Variants in KCNAB1 observed in about 807,000 individuals in gnomAD.
The protein encoded by KCNAB1 is voltage-gated potassium channel subunit beta-1.
A neutral mutation model predicts 64.6 loss-of-function variants in KCNAB1; 35 were observed. The ratio of observed to expected loss-of-function variants is 0.54; its 90% CI spans 0.41 to 0.72. KCNAB1 has a LOEUF of 0.72. KCNAB1 is among the 30% of genes least tolerant of loss of function. The pLI, the probability that KCNAB1 is intolerant of heterozygous loss-of-function variation, is 0.00. For synonymous variants in KCNAB1, 177 were observed against 183.8 expected (o/e 0.96, Z 0.30); for missense variants, 401 against 512.9 (o/e 0.78, Z 2.11).
chr3:156,457,630 T>A, intron 4 of KCNAB1, 98 bp downstream of exon 4: 1 of 1,040,306 alleles, frequency 9.6e-7, no homozygotes, highest in African/African-American at 1.6e-5. Flanking sequence ...GGTTCTGTCC[T>A]TTCTCCACGT....
At chr3:156,400,284 CCCTGCAG>C (rs1000183784) in intron 1 of KCNAB1, among the ~76,000 whole-genome samples, 2 of 152,184 alleles carry the variant, frequency 1.3e-5, no homozygotes, top group African/African-American at 4.8e-5. Context: ...GCCTGTAAAA[CCCTGCAG>C]CCTGCAAAGA....
chr3:156,356,405 C>T (rs1226797799), intron 1 of KCNAB1, among the ~76,000 whole-genome samples: 1 of 150,948 alleles, frequency 6.6e-6, no homozygotes, highest in Non-Finnish European at 1.5e-5. Flanking sequence ...TTTTCAAGAA[C>T]TTATTTAAGG....
chr3:156,282,497 C>A (rs1414898735), intron 1 of KCNAB1, among the ~76,000 whole-genome samples: 1 of 151,276 alleles, frequency 6.6e-6, no homozygotes, highest in Non-Finnish European at 1.5e-5. Flanking sequence ...TGGTACAGAG[C>A]TGAGTTCAAT....
intron 1 of KCNAB1, among the ~76,000 whole-genome samples, chr3:156,236,101 A>G (rs955570554): frequency 1.3e-5 from 2 of 152,194 alleles, no homozygotes; most frequent in East Asian, 1.9e-4. Flanking sequence ...AACAATAACA[A>G]TAATCACAAT....
chr3:156,124,401 G>C (rs1484112723), intron 1 of KCNAB1, among the ~76,000 whole-genome samples: 1 of 151,842 alleles, frequency 6.6e-6, no homozygotes, highest in South Asian at 2.1e-4. Context: ...ATTTTTAGTA[G>C]AGTTGGGGTT....
At chr3:156,256,234 A>G (rs1174227614) in intron 1 of KCNAB1, among the ~76,000 whole-genome samples, 2 of 152,268 alleles carry the variant, frequency 1.3e-5, no homozygotes, top group African/African-American at 2.4e-5. Context: ...ATATAAGACA[A>G]TGCTCCCAGA....
intron 1 of KCNAB1, among the ~76,000 whole-genome samples, chr3:156,225,325 A>C (rs974782423): frequency 2.6e-5 from 4 of 152,232 alleles, no homozygotes; most frequent in African/African-American, 9.6e-5. Flanking sequence ...AAATCACATG[A>C]CCTTCTCAAT....
At chr3:156,312,725 A>AC (rs1722004160) in intron 1 of KCNAB1, among the ~76,000 whole-genome samples, 1 of 150,988 alleles carries the variant, frequency 6.6e-6, no homozygotes, top group South Asian at 2.1e-4. Flanking sequence ...AAAAAAAAAA[A>AC]AAAAAACTCA....
intron 1 of KCNAB1, among the ~76,000 whole-genome samples, chr3:156,364,818 G>A (rs553395878): frequency 2.6e-4 from 40 of 152,002 alleles, no homozygotes; most frequent in African/African-American, 8.7e-4. Flanking sequence ...AAAAACACCT[G>A]CAACACAAAT....
intron 12 of KCNAB1, among the ~76,000 whole-genome samples, chr3:156,524,663 C>G (rs1008231300): frequency 1.5e-5 from 2 of 136,062 alleles, no homozygotes; most frequent in Non-Finnish European, 3.0e-5. Flanking sequence ...AGGAGAATGG[C>G]GTGAACCCGA....
intron 1 of KCNAB1, among the ~76,000 whole-genome samples, chr3:156,391,694 C>A (rs759933442): frequency 5.3e-5 from 8 of 152,178 alleles, no homozygotes; most frequent in Middle Eastern, 6.3e-3. Flanking sequence ...AAAGATGATT[C>A]TAACAGAACG....
intron 1 of KCNAB1, 80 bp from the exon 2 acceptor site, chr3:156,421,536 T>G: frequency 6.3e-6 from 9 of 1,418,552 alleles, no homozygotes; most frequent in South Asian, 1.2e-5. Flanking sequence ...TCTGCCAAAA[T>G]GGAGATACAA....
intron 1 of KCNAB1, among the ~76,000 whole-genome samples, chr3:156,134,286 C>T (rs1204876971): frequency 3.3e-5 from 5 of 152,070 alleles, no homozygotes; most frequent in African/African-American, 1.2e-4. Flanking sequence ...TGAAATTTTT[C>T]TTCCTCTATT....
At position 156,175,939 on chromosome 3, in the gene KCNAB1, C is replaced by G. The variant is rs544080321; in HGVS notation, c.275+55053C>G. ...GTGGAAAGCAACTTCATTGATGGAGCCAGCATGGCCGGGCAGCTCATACAG... is the reference window on the plus strand; with the variant it reads ...GTGGAAAGCAACTTCATTGATGGAGGCAGCATGGCCGGGCAGCTCATACAG... On this transcript the variant is annotated intron_variant, in intron 1 of 13. Transcript: ENST00000490337. The G allele has an allele frequency of 1.8e-5, 17 of 960,458 alleles. No homozygotes were observed. The African/African-American group carries it at 2.6e-4, about 15-fold the overall frequency. 59.5% of individuals were successfully genotyped at this position (960,458 alleles called of 1,614,324 possible).
intron 1 of KCNAB1, among the ~76,000 whole-genome samples, chr3:156,249,619 C>T (rs925431746): frequency 2.6e-5 from 4 of 151,414 alleles, no homozygotes; most frequent in African/African-American, 9.7e-5. Flanking sequence ...AGGACCTGAC[C>T]AGAAATGAGC....
At chr3:156,432,752 C>T (rs1445052701) in intron 2 of KCNAB1, among the ~76,000 whole-genome samples, 2 of 152,124 alleles carry the variant, frequency 1.3e-5, no homozygotes, top group Non-Finnish European at 2.9e-5. Context: ...TTCCTTTGGC[C>T]CTTGCTGAGC....
At chr3:156,179,696 G>A (rs985473810) in intron 1 of KCNAB1, among the ~76,000 whole-genome samples, 6 of 152,148 alleles carry the variant, frequency 3.9e-5, no homozygotes, top group African/African-American at 9.7e-5. Flanking sequence ...AGAATGGACC[G>A]AAAGTGATGA....
At chr3:156,184,113 G>A (rs1202466852) in intron 1 of KCNAB1, among the ~76,000 whole-genome samples, 2 of 152,190 alleles carry the variant, frequency 1.3e-5, no homozygotes, top group African/African-American at 2.4e-5. Flanking sequence ...AAGTGGTGAT[G>A]TATTTATCTA....
intron 1 of KCNAB1, among the ~76,000 whole-genome samples, chr3:156,273,277 G>A (rs933597080): frequency 6.6e-6 from 1 of 152,214 alleles, no homozygotes; most frequent in African/African-American, 2.4e-5. Context: ...GCACAGCATA[G>A]CATTCAGACT....
Sources: gnomAD v4.1 joint callset for allele counts (sites outside exome capture counted in the v4.1 genomes callset) on GRCh38, gnomAD v4.1.1 for gene constraint, MANE v1.5 for transcripts, NCBI Gene and HGNC (gene_info 2026-07-23, HGNC 2026-07-21) for gene names.